STAC: variants seen among roughly 807,000 people sequenced by gnomAD.
STAC encodes the protein SH3 and cysteine rich domain.
In STAC, 43 loss-of-function variants were observed where a neutral mutation model predicts 48.8. The observed-to-expected ratio is 0.88, with a 90% CI of 0.69 to 1.14. The LOEUF (loss-of-function observed/expected upper bound fraction) is 1.14. Among genes scored for constraint, STAC ranks in the 50% most tolerant of loss-of-function variants. STAC has a pLI of 0.00. For synonymous variants in STAC, 193 were observed against 179.5 expected (o/e 1.07, Z -0.60); for missense variants, 497 against 504.0 (o/e 0.99, Z 0.13).
At chr3:36,442,620 T>C (rs1459035902) in intron 1 of STAC, among the ~76,000 whole-genome samples, 3 of 152,124 alleles carry the variant, frequency 2.0e-5, no homozygotes, top group African/African-American at 7.2e-5. Flanking sequence ...GTTTTGGTGC[T>C]TTTTTATAAG....
At chr3:36,384,548 C>G (rs1699576768) in intron 1 of STAC, among the ~76,000 whole-genome samples, 4 of 152,110 alleles carry the variant, frequency 2.6e-5, no homozygotes, top group Admixed American at 2.6e-4. Flanking sequence ...CACCAGCCAA[C>G]CCCAAATGTC....
rs17035223 is a variant in STAC, at chr3:36,525,354, A to G, written c.921-3342A>G. ...CAGAAGTATGTCTGGTATTTCTCAT[A>G]AGATTATAGCCTGTTATCCCAGTGA... On this transcript the variant is annotated intron_variant, in intron 8 of 10. Transcript: ENST00000273183. Among the ~76,000 whole-genome samples the G allele has an allele frequency of 7.6e-3, 1,150 of 152,298 alleles. 30 individuals are homozygous for G. The highest frequency in any genetic ancestry group is 0.059 in the Admixed American group (909 of 15,284).
At chr3:36,428,109 C>A (rs1270694542) in intron 1 of STAC, among the ~76,000 whole-genome samples, 1 of 152,184 alleles carries the variant, frequency 6.6e-6, no homozygotes, top group African/African-American at 2.4e-5. Context: ...GTTATTAGTT[C>A]TGCTCAAGTT....
intron 8 of STAC, among the ~76,000 whole-genome samples, chr3:36,507,136 T>C (rs1698422267): frequency 6.6e-6 from 1 of 152,226 alleles, no homozygotes; most frequent in African/African-American, 2.4e-5. Context: ...TGAAGGGGTA[T>C]TGAATTTTAT....
chr3:36,474,215 A>G (rs761048187), intron 2 of STAC, among the ~76,000 whole-genome samples: 13 of 152,136 alleles, frequency 8.5e-5, no homozygotes, highest in Non-Finnish European at 1.6e-4. Context: ...TATGTAACCC[A>G]TCACAAATGT....
intron 2 of STAC, among the ~76,000 whole-genome samples, chr3:36,459,889 T>A (rs1198064223): frequency 6.6e-6 from 1 of 152,166 alleles, no homozygotes; most frequent in East Asian, 1.9e-4. Flanking sequence ...TACCACTCAC[T>A]AACTAGTTAA....
At chr3:36,405,314 T>C (rs1469582544) in intron 1 of STAC, among the ~76,000 whole-genome samples, 1 of 152,198 alleles carries the variant, frequency 6.6e-6, no homozygotes, top group East Asian at 1.9e-4. Flanking sequence ...CCCTCCACCA[T>C]GTGCTCTGAA....
chr3:36,464,194 C>T (rs1023497071), intron 2 of STAC, among the ~76,000 whole-genome samples: 1 of 152,080 alleles, frequency 6.6e-6, no homozygotes, highest in Non-Finnish European at 1.5e-5. Flanking sequence ...TTTCCTGACT[C>T]TTTAATGATC....
intron 1 of STAC, chr3:36,409,783 G>T (rs943316709): frequency 1.3e-5 from 2 of 152,190 alleles, no homozygotes; most frequent in African/African-American, 4.8e-5. Flanking sequence ...TACTGGCAGT[G>T]TCTAGAGAAA....
At chr3:36,433,312 G>A (rs1559489223) in intron 1 of STAC, among the ~76,000 whole-genome samples, 1 of 152,190 alleles carries the variant, frequency 6.6e-6, no homozygotes, top group Non-Finnish European at 1.5e-5. Flanking sequence ...AGGAGGGGAT[G>A]ACTAGAAATA....
chr3:36,513,254 C>A (rs980123498), intron 8 of STAC, among the ~76,000 whole-genome samples: 2 of 152,174 alleles, frequency 1.3e-5, no homozygotes, highest in Non-Finnish European at 2.9e-5. Flanking sequence ...ACCTGCCTAC[C>A]CCAGCAATGT....
At chr3:36,390,436 T>C (rs562323831) in intron 1 of STAC, among the ~76,000 whole-genome samples, 1 of 150,162 alleles carries the variant, frequency 6.7e-6, no homozygotes, top group Non-Finnish European at 1.5e-5. Flanking sequence ...GAAGTAATCA[T>C]GTGATTTTTC....
chr3:36,533,821 A>G (rs1205945024), intron 10 of STAC, among the ~76,000 whole-genome samples: 1 of 152,124 alleles, frequency 6.6e-6, no homozygotes, highest in Non-Finnish European at 1.5e-5. Context: ...TTTCAGCCTG[A>G]ACCTGGAACC....
chr3:36,512,783 C>CTTTTTTTTTTTTTT (rs901936471), intron 8 of STAC, among the ~76,000 whole-genome samples: 7 of 151,916 alleles, frequency 4.6e-5, no homozygotes, highest in African/African-American at 1.5e-4. Context: ...ATCACACATA[C>CTTTTTTTTTTTTTT]TTTTTTTTAT....
rs115591261 is a variant in STAC, at chr3:36,492,490, T to C, written c.688-661T>C. Among the ~76,000 whole-genome samples, 1,052 of 152,238 alleles carry C rather than the reference T, an allele frequency of 6.9e-3. 9 individuals carry two copies. The highest frequency in any genetic ancestry group is 0.024 in the African/African-American group (1,000 of 41,544). On this transcript the variant is annotated intron_variant, in intron 5 of 10. Coordinates refer to ENST00000273183, the MANE Select transcript of STAC (RefSeq NM_003149.3). ...AAAATTGGTCTATCATAGGATTAAT[T>C]TGGGGAATAAATGAGATGGTATCTA...
chr3:36,394,880 CA>C (rs144495707), intron 1 of STAC, among the ~76,000 whole-genome samples: 5,192 of 126,232 alleles, frequency 0.041, 124 homozygotes, highest in Middle Eastern at 0.065. Flanking sequence ...AAAATTCTGT[CA>C]AAAAAAAAAA....
rs1699451316 is a variant in STAC at position 36,546,524 on chromosome 3, C to A, written c.*235C>A. On this transcript the variant is annotated 3_prime_UTR_variant, in exon 11 of 11. Transcript: ENST00000273183. ...AGGCTGAGAGAGTCAGCAGGCAGAG[C>A]CAGATGCCATGCTTGGCAGCAGCAG... 2 of 558,288 alleles carry A rather than the reference C, an allele frequency of 3.6e-6. No homozygotes were observed. The highest frequency in any genetic ancestry group is 6.1e-5 in the Admixed American group (2 of 33,000). The allele number at this position is 558,288 out of a possible 1,614,324, so 34.6% of individuals were successfully genotyped here. A position where few individuals can be genotyped will look rare whatever the true frequency, so the allele number is the denominator to read the frequency against.
At chr3:36,461,197 T>C (rs536602084) in intron 2 of STAC, among the ~76,000 whole-genome samples, 1 of 152,294 alleles carries the variant, frequency 6.6e-6, no homozygotes, top group Non-Finnish European at 1.5e-5. Context: ...CCCACCCAAA[T>C]CCCATTGATA....
intron 10 of STAC, among the ~76,000 whole-genome samples, chr3:36,537,493 T>C (rs1283757647): frequency 1.3e-5 from 2 of 151,998 alleles, no homozygotes; most frequent in African/African-American, 4.8e-5. Flanking sequence ...AGCTGAACAA[T>C]GAGAACACAT....
Sources: gnomAD v4.1 joint callset for allele counts (sites outside exome capture counted in the v4.1 genomes callset) on GRCh38, gnomAD v4.1.1 for gene constraint, MANE v1.5 for transcripts, NCBI Gene and HGNC (gene_info 2026-07-23, HGNC 2026-07-21) for gene names.